PLXDC2: variants seen among roughly 807,000 people sequenced by gnomAD.
The protein encoded by PLXDC2 is plexin domain containing 2, also known as plexin domain-containing protein 2.
PLXDC2 carries 40 observed loss-of-function variants against 68.9 expected under a neutral mutation model. The ratio of observed to expected loss-of-function variants is 0.58; its 90% CI spans 0.45 to 0.76. The LOEUF is 0.76. PLXDC2 is among the 30% of genes least tolerant of loss of function. The probability of loss-of-function intolerance (pLI) is 0.00; values close to 1 mark genes in which losing one functional copy is unlikely to be tolerated. For missense variants in PLXDC2, 644 were observed against 661.9 expected (o/e 0.97, Z 0.30); for synonymous variants, 243 against 234.2 (o/e 1.04, Z -0.34).
At chr10:19,870,259 A>G (rs1021991115) in intron 1 of PLXDC2, among the ~76,000 whole-genome samples, 3 of 152,206 alleles carry the variant, frequency 2.0e-5, no homozygotes, top group Non-Finnish European at 2.9e-5. Context: ...CAAATCAACT[A>G]GGGTAGTTCA....
intron 9 of PLXDC2, among the ~76,000 whole-genome samples, chr10:20,185,699 C>G (rs1289949978): frequency 6.6e-6 from 1 of 151,852 alleles, no homozygotes; most frequent in Non-Finnish European, 1.5e-5. Context: ...ATATTTGAAG[C>G]TACTTTTAGA....
rs186812824 is a variant in PLXDC2, at chr10:20,280,619, C to A, written c.*800C>A. On this transcript the variant is annotated 3_prime_UTR_variant, in exon 14 of 14. Coordinates refer to ENST00000377252, the MANE Select transcript of PLXDC2 (RefSeq NM_032812.9). ...ACATCTGATTTATGCTTTATGGAAG[C>A]CTTACCTCCAATCCCCAACTGTTAA... The A allele has an allele frequency of 6.6e-6, 1 of 152,068 alleles. No homozygotes were observed. The highest frequency in any genetic ancestry group is 2.1e-4 in the South Asian group (1 of 4,822). The allele number at this position is 152,068 out of a possible 1,614,324, so 9.4% of individuals were successfully genotyped here. A position where few individuals can be genotyped will look rare whatever the true frequency, so the allele number is the denominator to read the frequency against.
At chr10:20,171,485 A>T (rs1834445045) in intron 7 of PLXDC2, among the ~76,000 whole-genome samples, 1 of 152,194 alleles carries the variant, frequency 6.6e-6, no homozygotes, top group African/African-American at 2.4e-5. Context: ...ATGTTTTCTC[A>T]TAAAGTAACT....
intron 1 of PLXDC2, among the ~76,000 whole-genome samples, chr10:19,902,184 A>AT (rs56171519): frequency 0.084 from 12,646 of 151,102 alleles, 712 homozygotes; most frequent in Admixed American, 0.14. Context: ...GAATTTTAGG[A>AT]TTTTTTTTTC....
intron 7 of PLXDC2, among the ~76,000 whole-genome samples, chr10:20,167,436 A>G (rs988981620): frequency 3.9e-5 from 6 of 152,160 alleles, no homozygotes; most frequent in Admixed American, 3.3e-4. Context: ...CCTATGTTAC[A>G]TATTCAACAA....
intron 13 of PLXDC2, among the ~76,000 whole-genome samples, chr10:20,261,424 G>A (rs1835807053): frequency 6.6e-6 from 1 of 152,112 alleles, no homozygotes; most frequent in Non-Finnish European, 1.5e-5. Context: ...GAGAATAACA[G>A]CAGAACAGAA....
intron 4 of PLXDC2, among the ~76,000 whole-genome samples, chr10:20,111,881 A>G (rs1264050191): frequency 6.6e-6 from 1 of 152,214 alleles, no homozygotes; most frequent in Admixed American, 6.5e-5. Context: ...CATTCTTCCC[A>G]AATTCATATG....
chr10:19,893,933 G>A (rs79382435), intron 1 of PLXDC2, among the ~76,000 whole-genome samples: 3,756 of 152,254 alleles, frequency 0.025, 62 homozygotes, highest in Non-Finnish European at 0.038. Context: ...CCAGTTAGGG[G>A]GTCAACCATG....
chr10:19,955,252 T>C (rs552947605), intron 1 of PLXDC2, among the ~76,000 whole-genome samples: 1 of 151,172 alleles, frequency 6.6e-6, no homozygotes, highest in South Asian at 2.1e-4. Flanking sequence ...CAAGCTGGCC[T>C]CAAACTCCTG....
chr10:20,238,716 TAC>T (rs1234416046), intron 12 of PLXDC2, among the ~76,000 whole-genome samples: 1 of 136,468 alleles, frequency 7.3e-6, no homozygotes, highest in Non-Finnish European at 1.6e-5. Flanking sequence ...TGTGTATATA[TAC>T]ACATATACAT....
chr10:19,822,692 C>A (rs988483680), intron 1 of PLXDC2, among the ~76,000 whole-genome samples: 3 of 151,988 alleles, frequency 2.0e-5, no homozygotes, highest in Non-Finnish European at 4.4e-5. Flanking sequence ...TGAGATGATA[C>A]CTTATTGTGA....
chr10:19,886,375 A>T (rs1036213244), intron 1 of PLXDC2, among the ~76,000 whole-genome samples: 1 of 152,174 alleles, frequency 6.6e-6, no homozygotes, highest in Non-Finnish European at 1.5e-5. Flanking sequence ...AAAAATCCTC[A>T]ATAAAATACT....
At chr10:20,165,876 T>C (rs917692989) in intron 7 of PLXDC2, among the ~76,000 whole-genome samples, 2 of 152,132 alleles carry the variant, frequency 1.3e-5, no homozygotes, top group African/African-American at 2.4e-5. Context: ...GTTGAAAGCT[T>C]CTGGTTTTTG....
intron 1 of PLXDC2, among the ~76,000 whole-genome samples, chr10:19,899,949 G>T (rs1294300936): frequency 1.3e-5 from 2 of 152,060 alleles, no homozygotes; most frequent in Non-Finnish European, 2.9e-5. Flanking sequence ...TTCCTAGATG[G>T]TTAGAGAATT....
chr10:19,917,076 C>T (rs912499733), intron 1 of PLXDC2, among the ~76,000 whole-genome samples: 1 of 152,206 alleles, frequency 6.6e-6, no homozygotes, highest in Non-Finnish European at 1.5e-5. Flanking sequence ...TGGAAAGTCA[C>T]TATTGACAAT....
intron 1 of PLXDC2, among the ~76,000 whole-genome samples, chr10:19,823,621 G>C (rs1240621269): frequency 2.0e-5 from 3 of 151,522 alleles, no homozygotes; most frequent in Non-Finnish European, 2.9e-5. Context: ...GGTGGAGGTT[G>C]AGATTGCGCC....
At chr10:19,886,654 C>T (rs1186984366) in intron 1 of PLXDC2, among the ~76,000 whole-genome samples, 1 of 152,046 alleles carries the variant, frequency 6.6e-6, no homozygotes, top group Non-Finnish European at 1.5e-5. Context: ...TATGACAAAC[C>T]CACAGCCAAT....
intron 1 of PLXDC2, among the ~76,000 whole-genome samples, chr10:19,873,554 G>T (rs952991356): frequency 6.6e-6 from 1 of 151,788 alleles, no homozygotes; most frequent in African/African-American, 2.4e-5. Context: ...GGAGTAGCTG[G>T]GACTACAGGT....
At chr10:19,848,046 G>A (rs1213759550) in intron 1 of PLXDC2, among the ~76,000 whole-genome samples, 1 of 152,114 alleles carries the variant, frequency 6.6e-6, no homozygotes, top group East Asian at 1.9e-4. Context: ...GAAGTCTGGT[G>A]CGGTGGCTCA....
Sources: gnomAD v4.1 joint callset for allele counts (sites outside exome capture counted in the v4.1 genomes callset) on GRCh38, gnomAD v4.1.1 for gene constraint, MANE v1.5 for transcripts, NCBI Gene and HGNC (gene_info 2026-07-23, HGNC 2026-07-21) for gene names.